HS3ST1: variants seen among roughly 807,000 people sequenced by gnomAD.
The protein encoded by HS3ST1 is heparan sulfate-glucosamine 3-sulfotransferase 1, also known as heparan sulfate glucosamine 3-O-sulfotransferase 1.
A neutral mutation model predicts 20.7 loss-of-function variants in HS3ST1; 8 were observed. The observed-to-expected ratio is 0.39, with a 90% CI of 0.23 to 0.70. HS3ST1 has a LOEUF of 0.70. Among genes scored for constraint, HS3ST1 ranks in the 30% least tolerant of loss-of-function variants. The pLI, the probability that HS3ST1 is intolerant of heterozygous loss-of-function variation, is 0.46. For synonymous variants in HS3ST1, 205 were observed against 190.4 expected, an observed-to-expected ratio of 1.08 and a Z score of -0.63; for missense variants, 436 against 423.4, an observed-to-expected ratio of 1.03 and a Z score of -0.26.
chr4:11,432,791 A>AG (rs1373888068), upstream of HS3ST1, among the ~76,000 whole-genome samples: 1 of 152,166 alleles, frequency 6.6e-6, no homozygotes, highest in East Asian at 1.9e-4. Context: ...CGCTAGTGAG[A>AG]GGGGAAATGA....
Position 11,428,539 on chromosome 4 carries a change from C to T in HS3ST1, c.-109+160G>A, listed in dbSNP as rs1412668466. On this transcript the variant is annotated intron_variant, in intron 1 of 1. Transcript: ENST00000002596. ...TGAGGAGGATGGGAAAATCCCCAGC[C>T]TTTGCTTCCTGGTTCCCTCTGCATC... 3.3e-5 allele frequency: 5 copies of T among 152,564 alleles called. No individual in the cohort carries two copies. The East Asian group carries it at 9.6e-4, about 29-fold the overall frequency. 9.5% of individuals were successfully genotyped at this position (152,564 alleles called of 1,614,324 possible).
upstream of HS3ST1, among the ~76,000 whole-genome samples, chr4:11,434,201 A>G (rs148204575): frequency 2.6e-3 from 389 of 152,368 alleles, no homozygotes; most frequent in Non-Finnish European, 4.0e-3. Flanking sequence ...AATGACACTT[A>G]TAAGAACTGG....
At chr4:11,430,131 A>T (rs1434010526), upstream of HS3ST1, among the ~76,000 whole-genome samples, 1 of 152,172 alleles carries the variant, frequency 6.6e-6, no homozygotes, top group Non-Finnish European at 1.5e-5. Context: ...TACCCTCGGC[A>T]CTTTCAGAAA....
In HS3ST1 at chr4:11,398,131, C is replaced by T. The variant is rs1718188262; in HGVS notation, c.*951G>A. The stretch of plus-strand genomic sequence containing the variant: ...AATTTAGAGTTGATTTTGAAACATA[C>T]ACATATTTATGTCTCAGTGCATATG... On this transcript the variant is annotated 3_prime_UTR_variant, in exon 2 of 2. Transcript: ENST00000002596. The T allele has an allele frequency of 6.6e-6, 1 of 152,190 alleles. No homozygotes were observed. Among genetic ancestry groups the T allele is most frequent in the African/African-American group, 2.4e-5 (1 of 41,444 alleles). 9.4% of individuals were successfully genotyped at this position (152,190 alleles called of 1,614,324 possible). A position where few individuals can be genotyped will look rare whatever the true frequency, so the allele number is the denominator to read the frequency against.
At chr4:11,402,863 A>G (rs1017316788) in intron 1 of HS3ST1, among the ~76,000 whole-genome samples, 4 of 152,236 alleles carry the variant, frequency 2.6e-5, no homozygotes, top group African/African-American at 9.6e-5. Context: ...AAGGAGAATT[A>G]CCAGCAGACA....
chr4:11,400,445 G>A (rs1398660191), intron 1 of HS3ST1, among the ~76,000 whole-genome samples: 1 of 152,094 alleles, frequency 6.6e-6, no homozygotes, highest in Non-Finnish European at 1.5e-5. Context: ...TAATTTTCAC[G>A]TGTCATTAAA....
chr4:11,426,658 G>A (rs1197860636), intron 1 of HS3ST1, among the ~76,000 whole-genome samples: 1 of 152,194 alleles, frequency 6.6e-6, no homozygotes, highest in Non-Finnish European at 1.5e-5. Context: ...GCCTCACTAA[G>A]GAATCTTCAT....
upstream of HS3ST1, among the ~76,000 whole-genome samples, chr4:11,431,473 G>T (rs752933516): frequency 2.0e-5 from 3 of 152,132 alleles, no homozygotes; most frequent in Non-Finnish European, 4.4e-5. Flanking sequence ...AATATTTTAA[G>T]ATCTCGAAGT....
intron 1 of HS3ST1, chr4:11,428,340 C>T (rs963922489): frequency 4.1e-4 from 63 of 152,324 alleles, no homozygotes; most frequent in African/African-American, 1.5e-3. Flanking sequence ...CTCTCGCTGC[C>T]CTACAGGGTC....
chr4:11,399,036 A>T lies in HS3ST1; in HGVS notation c.*46T>A. On this transcript the variant is annotated 3_prime_UTR_variant, in exon 2 of 2. Coordinates refer to ENST00000002596, the MANE Select transcript of HS3ST1 (RefSeq NM_005114.4). The surrounding 1 kb of genome is among the most constrained non-coding windows in gnomAD (Gnocchi z 5.1). ...AAATTCTTTTTCCCCTCAGATGTAC[A>T]CCAGAACTTACAGTAGGAAAGTTTC... 1.3e-6 allele frequency: 2 copies of T among 1,514,956 alleles called. No individual in the cohort carries two copies. Among genetic ancestry groups the T allele is most frequent in the Non-Finnish European group, 1.8e-6 (2 of 1,111,072 alleles). 93.8% of individuals were successfully genotyped at this position (1,514,956 alleles called of 1,614,324 possible).
At chr4:11,403,086 G>A (rs1006860506) in intron 1 of HS3ST1, among the ~76,000 whole-genome samples, 7 of 152,068 alleles carry the variant, frequency 4.6e-5, no homozygotes, top group African/African-American at 7.2e-5. Context: ...AAGTATATAC[G>A]CACACATATA....
chr4:11,420,386 G>T (rs142689267), intron 1 of HS3ST1, among the ~76,000 whole-genome samples: 1 of 152,168 alleles, frequency 6.6e-6, no homozygotes, highest in African/African-American at 2.4e-5. Context: ...CATCTATTTG[G>T]GGGGAGCGAG....
chr4:11,401,796 T>A (rs778563340), intron 1 of HS3ST1, among the ~76,000 whole-genome samples: 1 of 152,202 alleles, frequency 6.6e-6, no homozygotes, highest in Non-Finnish European at 1.5e-5. Context: ...TTTACCTATT[T>A]AAGATTTATA....
intron 1 of HS3ST1, among the ~76,000 whole-genome samples, chr4:11,416,921 T>C (rs1577445445): frequency 1.3e-5 from 2 of 152,298 alleles, no homozygotes; most frequent in Admixed American, 1.3e-4. Flanking sequence ...AGTCTGAACC[T>C]GATAAGAAAA....
chr4:11,427,729 C>CTA (rs1265760715), intron 1 of HS3ST1, among the ~76,000 whole-genome samples: 1 of 152,180 alleles, frequency 6.6e-6, no homozygotes, highest in African/African-American at 2.4e-5. Context: ...GATGGAAGAC[C>CTA]TATAGCGCCT....
At position 11,399,771 on chromosome 4, in the gene HS3ST1, C is replaced by T. The variant is rs143111994; in HGVS notation, c.235G>A (p.Asp79Asn). ...ALLEMLSLHP[D>N]VAAAENEVHF... is the part of the protein sequence containing the mutation. The stretch of plus-strand genomic sequence containing the variant: ...ACCTCGTTCTCCGCGGCCGCCACGT[C>T]GGGGTGCAGGCTGAGCATCTCCAGC... The change falls in exon 2 of 2, where the codon GAC becomes AAC. Residue 79 changes from aspartate to asparagine, a missense_variant. Coordinates refer to ENST00000002596, the MANE Select transcript of HS3ST1 (RefSeq NM_005114.4). This position sits in a 1 kb window ranked among gnomAD's most constrained non-coding sequence, Gnocchi z 5.1. 33 of 1,613,600 alleles carry T rather than the reference C, an allele frequency of 2.0e-5. No homozygotes were observed. Among genetic ancestry groups the T allele is most frequent in the African/African-American group, 8.0e-5 (6 of 74,952 alleles).
chr4:11,401,088 T>C (rs1046145535), intron 1 of HS3ST1, among the ~76,000 whole-genome samples: 3 of 152,216 alleles, frequency 2.0e-5, no homozygotes, highest in Non-Finnish European at 1.5e-5. Flanking sequence ...GGGAGATATA[T>C]GTTATGATTG....
intron 1 of HS3ST1, among the ~76,000 whole-genome samples, chr4:11,410,700 G>A (rs224461): frequency 5.5e-4 from 83 of 151,984 alleles, no homozygotes; most frequent in African/African-American, 1.8e-3. Context: ...AAGACCAGCC[G>A]GTCAAACATG....
intron 1 of HS3ST1, chr4:11,414,104 G>A (rs1718706235): frequency 6.6e-6 from 1 of 152,084 alleles, no homozygotes; most frequent in African/African-American, 2.4e-5. Context: ...TACTAACCAG[G>A]CCTGACCATG....
Sources: allele counts gnomAD v4.1 joint callset (sites outside exome capture counted in the v4.1 genomes callset), GRCh38; gene constraint gnomAD v4.1.1; non-coding constraint Gnocchi (gnomAD v3.1); transcripts MANE v1.5; gene names NCBI Gene and HGNC (gene_info 2026-07-23, HGNC 2026-07-21).